The following ROR2 variants were observed in gnomAD, a reference collection of about 807,000 sequenced individuals.
ROR2 encodes the protein ROR family WNT receptor 2.
A neutral mutation model predicts 74.9 loss-of-function variants in ROR2; 33 were observed. The observed-to-expected ratio is 0.44, with a 90% CI of 0.33 to 0.59. The LOEUF is 0.59. ROR2 is among the 20% of genes least tolerant of loss of function. The pLI, the probability that ROR2 is intolerant of heterozygous loss-of-function variation, is 0.02. For missense variants in ROR2, 1,216 were observed against 1,313.8 expected (o/e 0.93, Z 1.15); for synonymous variants, 586 against 558.7 (o/e 1.05, Z -0.69).
At chr9:91,819,957 T>C (rs1259768300) in intron 1 of ROR2, among the ~76,000 whole-genome samples, 1 of 152,102 alleles carries the variant, frequency 6.6e-6, no homozygotes, top group East Asian at 1.9e-4. Flanking sequence ...TGTGTATGTG[T>C]CTGTCTTTGA....
chr9:91,808,539 A>T (rs1310764070), intron 1 of ROR2, among the ~76,000 whole-genome samples: 1 of 151,812 alleles, frequency 6.6e-6, no homozygotes, highest in African/African-American at 2.4e-5. Flanking sequence ...CAGGAGAATC[A>T]CTTGAACCCG....
intron 5 of ROR2, among the ~76,000 whole-genome samples, chr9:91,737,090 G>T (rs952541625): frequency 6.6e-6 from 1 of 152,230 alleles, no homozygotes; most frequent in African/African-American, 2.4e-5. Context: ...AGGAGGCCCT[G>T]GCGTTGCAGT....
At chr9:91,762,150 T>G (rs947811449) in intron 2 of ROR2, among the ~76,000 whole-genome samples, 2 of 152,206 alleles carry the variant, frequency 1.3e-5, no homozygotes, top group African/African-American at 4.8e-5. Flanking sequence ...CTCCACCCTC[T>G]GCTTCCATTG....
intron 1 of ROR2, among the ~76,000 whole-genome samples, chr9:91,855,663 C>A (rs1564001907): frequency 6.6e-6 from 1 of 152,172 alleles, no homozygotes; most frequent in Non-Finnish European, 1.5e-5. Context: ...TGTGAACAGG[C>A]TTCCTCCTCT....
At chr9:91,739,006 C>T (rs146107953) in intron 4 of ROR2, among the ~76,000 whole-genome samples, 190 of 152,316 alleles carry the variant, frequency 1.2e-3, no homozygotes, top group African/African-American at 4.1e-3. Context: ...GGTCCATTGA[C>T]GCCAATGAGC....
At chr9:91,779,950 T>C (rs913837615) in intron 1 of ROR2, among the ~76,000 whole-genome samples, 1 of 152,246 alleles carries the variant, frequency 6.6e-6, no homozygotes, top group Non-Finnish European at 1.5e-5. Flanking sequence ...TTTATGAATG[T>C]CTTGTATATT....
intron 1 of ROR2, among the ~76,000 whole-genome samples, chr9:91,919,590 G>GT (rs143540271): frequency 0.064 from 9,722 of 151,506 alleles, 484 homozygotes; most frequent in African/African-American, 0.13. Context: ...CCTCATTTAG[G>GT]TTTTTTTTTC....
intron 1 of ROR2, among the ~76,000 whole-genome samples, chr9:91,782,348 G>C (rs1202839594): frequency 6.6e-6 from 1 of 151,876 alleles, no homozygotes; most frequent in Admixed American, 6.6e-5. Flanking sequence ...AGGTTACTTT[G>C]TCACCTTGAA....
intron 2 of ROR2, among the ~76,000 whole-genome samples, chr9:91,765,474 G>A (rs1465427921): frequency 3.3e-5 from 5 of 152,174 alleles, no homozygotes; most frequent in Admixed American, 1.3e-4. Flanking sequence ...AATCCCTTGA[G>A]GACTGGGTTC....
chr9:91,868,018 G>C (rs1464924982), intron 1 of ROR2, among the ~76,000 whole-genome samples: 1 of 151,942 alleles, frequency 6.6e-6, no homozygotes, highest in African/African-American at 2.4e-5. Flanking sequence ...CAAAGAACCA[G>C]GAAAATCTCA....
intron 1 of ROR2, chr9:91,948,556 A>T (rs1832072332): frequency 1.0e-6 from 1 of 984,886 alleles, no homozygotes; most frequent in Non-Finnish European, 1.2e-6. Flanking sequence ...CATCTGCTTA[A>T]ACTAAAACCC....
intron 7 of ROR2, 151 bp downstream of exon 7, chr9:91,730,759 G>T: frequency 1.8e-6 from 2 of 1,105,766 alleles, no homozygotes; most frequent in Non-Finnish European, 1.3e-6. Flanking sequence ...TGGCCCAACA[G>T]CTTTATTTAA....
intron 1 of ROR2, among the ~76,000 whole-genome samples, chr9:91,800,151 G>A (rs763261801): frequency 7.2e-5 from 11 of 152,104 alleles, no homozygotes; most frequent in Non-Finnish European, 1.2e-4. Context: ...AGACCAGTCC[G>A]GCCAACATGG....
chr9:91,884,375 C>T (rs1212101843), intron 1 of ROR2, among the ~76,000 whole-genome samples: 1 of 151,848 alleles, frequency 6.6e-6, no homozygotes, highest in African/African-American at 2.4e-5. Context: ...GTCTCAGTCT[C>T]CTCCAGGAGT....
chr9:91,869,578 T>C (rs770033079), intron 1 of ROR2, among the ~76,000 whole-genome samples: 3 of 152,146 alleles, frequency 2.0e-5, no homozygotes, highest in Non-Finnish European at 4.4e-5. Context: ...GAAAGTTAAA[T>C]AATGTATGAT....
chr9:91,922,023 C>T (rs1216170807), intron 1 of ROR2, among the ~76,000 whole-genome samples: 1 of 150,514 alleles, frequency 6.6e-6, no homozygotes, highest in Non-Finnish European at 1.5e-5. Flanking sequence ...TGGGAAAATG[C>T]AAATCAAAAT....
At chr9:91,738,635 G>T (rs137917949) in intron 4 of ROR2, among the ~76,000 whole-genome samples, 2 of 152,342 alleles carry the variant, frequency 1.3e-5, no homozygotes, top group African/African-American at 2.4e-5. Context: ...TCTCTACTAT[G>T]TTCAAAGGTG....
chr9:91,768,664 C>T (rs896352280), intron 2 of ROR2, among the ~76,000 whole-genome samples: 2 of 152,174 alleles, frequency 1.3e-5, no homozygotes, highest in South Asian at 2.1e-4. Flanking sequence ...AGGGGCTGAT[C>T]GAGGACTGCA....
At chr9:91,756,739 TTC>T (rs1564254628) in intron 3 of ROR2, among the ~76,000 whole-genome samples, 1 of 136,710 alleles carries the variant, frequency 7.3e-6, no homozygotes, top group African/African-American at 3.2e-5. Context: ...TTTCTTTTTG[TTC>T]TCTTTTTTTT....
Sources: gnomAD v4.1 joint callset for allele counts (sites outside exome capture counted in the v4.1 genomes callset) on GRCh38, gnomAD v4.1.1 for gene constraint, MANE v1.5 for transcripts, NCBI Gene and HGNC (gene_info 2026-07-23, HGNC 2026-07-21) for gene names.